BIN3: variants seen among roughly 807,000 people sequenced by gnomAD.
BIN3 encodes the protein bridging integrator 3.
A neutral mutation model predicts 38.2 loss-of-function variants in BIN3; 41 were observed. That is an observed-to-expected ratio of 1.07 (90% CI 0.84 to 1.39). BIN3 has a LOEUF of 1.39. Among genes scored for constraint, BIN3 ranks in the 40% most tolerant of loss-of-function variants. The pLI, the probability that BIN3 is intolerant of heterozygous loss-of-function variation, is 0.00. For missense variants in BIN3, 361 were observed against 324.3 expected, an observed-to-expected ratio of 1.11 and a Z score of -0.87; for synonymous variants, 145 against 122.6, an observed-to-expected ratio of 1.18 and a Z score of -1.21.
chr8:22,650,513 TTTAC>T (rs1802857394), intron 1 of BIN3, among the ~76,000 whole-genome samples: 1 of 152,224 alleles, frequency 6.6e-6, no homozygotes, highest in Non-Finnish European at 1.5e-5. Context: ...TTTACCTATA[TTTAC>T]TTTATTACTT....
chr8:22,644,563 G>A (rs1285765897), intron 2 of BIN3, 192 bp downstream of exon 2: 2 of 575,836 alleles, frequency 3.5e-6, no homozygotes, highest in Non-Finnish European at 6.3e-6. Context: ...ACCTTTCCTA[G>A]GGGAAGTGTC....
At chr8:22,666,934 G>C (rs1051986479) in intron 1 of BIN3, among the ~76,000 whole-genome samples, 4 of 152,114 alleles carry the variant, frequency 2.6e-5, no homozygotes, top group Non-Finnish European at 5.9e-5. Context: ...ATTCATTCTG[G>C]GGGCAGGAAA....
Position 22,627,658 on chromosome 8 carries a change from C to T in BIN3, c.338+2306G>A, listed in dbSNP as rs544010688. On this transcript the variant is annotated intron_variant, in intron 6 of 8. Transcript: ENST00000276416. ...TGCTGTTCCAGCGCACTTCACCCCTCCTCTCTCCCTGCCCACCTCAGCCCA... is the reference window on the plus strand; with the variant it reads ...TGCTGTTCCAGCGCACTTCACCCCTTCTCTCTCCCTGCCCACCTCAGCCCA... 1.1e-4 allele frequency among the ~76,000 whole-genome samples: 17 copies of T among 151,454 alleles called. No homozygotes were observed. In the East Asian group the frequency reaches 1.2e-3, roughly 10 times the overall value.
At chr8:22,652,593 G>A (rs965135158) in intron 1 of BIN3, among the ~76,000 whole-genome samples, 1 of 152,180 alleles carries the variant, frequency 6.6e-6, no homozygotes, top group Non-Finnish European at 1.5e-5. Context: ...ACTTCACTAG[G>A]GCAGTCCCAC....
At position 22,621,188 on chromosome 8, in the gene BIN3, AAAG is replaced by A; in HGVS notation, c.*231_*233del. On this transcript the variant is annotated 3_prime_UTR_variant, in exon 9 of 9. Coordinates refer to ENST00000276416, the MANE Select transcript of BIN3 (RefSeq NM_018688.6). ...CATGCTGGACGGTTCTCCAAATAAA[AAAG>A]CCCCAAGGGTTTGTCTACACTGCTT... 3 of 548,966 alleles carry A rather than the reference AAAG, an allele frequency of 5.5e-6. No individual in the cohort carries two copies. The highest frequency in any genetic ancestry group is 9.6e-6 in the Non-Finnish European group (3 of 311,698). 34.0% of individuals were successfully genotyped at this position (548,966 alleles called of 1,614,324 possible).
chr8:22,644,867 C>T, intron 1 of BIN3, 64 bp from the exon 2 acceptor site: 2 of 1,421,468 alleles, frequency 1.4e-6, no homozygotes, highest in Non-Finnish European at 2.0e-6. Flanking sequence ...CTCAAAGTAT[C>T]AGTACAGTAC....
chr8:22,649,049 T>G (rs1802801990), intron 1 of BIN3, among the ~76,000 whole-genome samples: 1 of 152,198 alleles, frequency 6.6e-6, no homozygotes, highest in Admixed American at 6.5e-5. Context: ...TACATTAGTA[T>G]TCAATGTGCT....
intron 2 of BIN3, among the ~76,000 whole-genome samples, chr8:22,641,910 G>A (rs183697767): frequency 5.9e-5 from 9 of 152,326 alleles, no homozygotes; most frequent in Admixed American, 5.2e-4. Context: ...CACTTTATGG[G>A]ACCTGGGGAG....
At chr8:22,653,796 G>C (rs1802971394) in intron 1 of BIN3, among the ~76,000 whole-genome samples, 1 of 152,180 alleles carries the variant, frequency 6.6e-6, no homozygotes, top group African/African-American at 2.4e-5. Context: ...TCTTGGGAAA[G>C]GTCCATTTAA....
chr8:22,626,681 C>G (rs1802016190), intron 6 of BIN3: 1 of 152,590 alleles, frequency 6.6e-6, no homozygotes, highest in African/African-American at 2.4e-5. Flanking sequence ...GGCCCTGGCC[C>G]CAATCCCACC....
chr8:22,644,822 A>G lies in BIN3; in HGVS notation c.9-19T>C. ...AGGAATCCTATAAGAGAAAGAGACA[A>G]AGAGAGATATTGTGAGAAGTGGGGA... is the stretch of plus-strand genomic sequence containing the variant. On this transcript the variant is annotated intron_variant, in intron 1 of 8. Transcript: ENST00000276416. The G allele has an allele frequency of 6.2e-7, 1 of 1,603,932 alleles. No individual in the cohort carries two copies. Among genetic ancestry groups the G allele is most frequent in the South Asian group, 1.1e-5 (1 of 89,438 alleles).
At chr8:22,627,863 G>A (rs1478282817) in intron 6 of BIN3, among the ~76,000 whole-genome samples, 1 of 152,376 alleles carries the variant, frequency 6.6e-6, no homozygotes, top group East Asian at 1.9e-4. Context: ...ACACCTGGCC[G>A]CTGACCTGAG....
At chr8:22,634,631 C>T (rs1802311441) in intron 4 of BIN3, 1 of 431,804 alleles carries the variant, frequency 2.3e-6, no homozygotes, top group Non-Finnish European at 4.7e-6. Flanking sequence ...TCCTCAAGTC[C>T]CACCCGTAGG....
chr8:22,623,804 G>C, intron 8 of BIN3, 111 bp downstream of exon 8: 2 of 1,340,016 alleles, frequency 1.5e-6, no homozygotes, highest in Non-Finnish European at 1.0e-6. Flanking sequence ...TGCCTGGGGT[G>C]GGTGCCCTGT....
At chr8:22,627,862 C>A (rs7830206) in intron 6 of BIN3, among the ~76,000 whole-genome samples, 1 of 152,136 alleles carries the variant, frequency 6.6e-6, no homozygotes, top group Admixed American at 6.5e-5. Context: ...CACACCTGGC[C>A]GCTGACCTGA....
chr8:22,628,800 T>C (rs1218574741), intron 6 of BIN3, among the ~76,000 whole-genome samples: 1 of 152,138 alleles, frequency 6.6e-6, no homozygotes, highest in Non-Finnish European at 1.5e-5. Context: ...GCTCAGTCTA[T>C]GTCCTTCCCA....
intron 2 of BIN3, among the ~76,000 whole-genome samples, chr8:22,639,131 G>A (rs1802459476): frequency 6.6e-6 from 1 of 152,208 alleles, no homozygotes; most frequent in Non-Finnish European, 1.5e-5. Flanking sequence ...TGTCAGCCTG[G>A]TTTTCTCCAG....
intron 1 of BIN3, among the ~76,000 whole-genome samples, chr8:22,666,290 G>A (rs1803415127): frequency 6.7e-6 from 1 of 149,744 alleles, no homozygotes; most frequent in Non-Finnish European, 1.5e-5. Context: ...GGAAGATGGG[G>A]AAGAGAGACA....
intron 1 of BIN3, among the ~76,000 whole-genome samples, chr8:22,655,909 C>T (rs1289075126): frequency 6.6e-6 from 1 of 152,164 alleles, no homozygotes; most frequent in Non-Finnish European, 1.5e-5. Flanking sequence ...CTATTCCATA[C>T]CACAGAGTAA....
Sources: gnomAD v4.1 joint callset for allele counts (sites outside exome capture counted in the v4.1 genomes callset) on GRCh38, gnomAD v4.1.1 for gene constraint, MANE v1.5 for transcripts, NCBI Gene and HGNC (gene_info 2026-07-23, HGNC 2026-07-21) for gene names.